Variants in RFPL1 observed in about 807,000 individuals in gnomAD.
RFPL1 encodes ret finger protein like 1.
In RFPL1, 6 loss-of-function variants were observed where a neutral mutation model predicts 9.6. The observed-to-expected ratio is 0.62, with a 90% CI of 0.34 to 1.23. The LOEUF is 1.23. RFPL1 is among the 50% of genes most tolerant of loss of function. The probability of loss-of-function intolerance (pLI) is 0.03; values close to 1 mark genes in which losing one functional copy is unlikely to be tolerated. For missense variants in RFPL1, 352 were observed against 398.4 expected (o/e 0.88, Z 0.99); for synonymous variants, 145 against 149.4 (o/e 0.97, Z 0.22).
At chr22:29,410,323 TATGTAGATATATAG>T in the RFPL1 span, among the ~76,000 whole-genome samples, 1 of 101,166 alleles carries the variant, frequency 9.9e-6, no homozygotes, top group African/African-American at 4.6e-5. Flanking sequence ...TAGATATATA[TATGTAGATATATAG>T]ATCTATATAT....
At chr22:29,420,040 C>T in the RFPL1 span, among the ~76,000 whole-genome samples, 7 of 152,304 alleles carry the variant, frequency 4.6e-5, no homozygotes, top group African/African-American at 7.2e-5. Context: ...GTACTTAAGG[C>T]TTGCGGGGTG....
At chr22:29,416,033 C>T in the RFPL1 span, among the ~76,000 whole-genome samples, 1 of 152,216 alleles carries the variant, frequency 6.6e-6, no homozygotes, top group Non-Finnish European at 1.5e-5. Context: ...CCTGCTCTTA[C>T]TTTGTGGTCA....
the RFPL1 span, among the ~76,000 whole-genome samples, chr22:29,429,891 G>A: frequency 6.6e-6 from 1 of 152,158 alleles, no homozygotes; most frequent in South Asian, 2.1e-4. Flanking sequence ...TTTATTCCCA[G>A]TATGGTAGCC....
chr22:29,441,635 G>C (rs769214763), exon 2 of RFPL1: 2 of 1,613,848 alleles, frequency 1.2e-6, no homozygotes, highest in Non-Finnish European at 1.7e-6. Context: ...ACACAGAATC[G>C]GCAAGACCTT....
At chr22:29,426,770 G>A in the RFPL1 span, among the ~76,000 whole-genome samples, 1 of 152,090 alleles carries the variant, frequency 6.6e-6, no homozygotes, top group African/African-American at 2.4e-5. Flanking sequence ...TTATTTGATT[G>A]TGGGTGGGTC....
chr22:29,429,414 GAAA>G, the RFPL1 span, among the ~76,000 whole-genome samples: 37 of 151,668 alleles, frequency 2.4e-4, 1 homozygote, highest in Admixed American at 1.8e-3. Flanking sequence ...GGCTAACTAA[GAAA>G]AAAGAAGAAG....
At chr22:29,410,884 T>C in the RFPL1 span, among the ~76,000 whole-genome samples, 2 of 152,056 alleles carry the variant, frequency 1.3e-5, no homozygotes, top group Non-Finnish European at 2.9e-5. Flanking sequence ...TCTCTCTTCC[T>C]ACTGAGCACC....
chr22:29,425,114 G>A, the RFPL1 span, among the ~76,000 whole-genome samples: 1 of 149,330 alleles, frequency 6.7e-6, no homozygotes, highest in Non-Finnish European at 1.5e-5. Context: ...TGAGGCAGGA[G>A]AATGGCGTGG....
chr22:29,430,690 G>A, the RFPL1 span, among the ~76,000 whole-genome samples: 1 of 152,088 alleles, frequency 6.6e-6, no homozygotes, highest in Non-Finnish European at 1.5e-5. Context: ...AAACATCTTA[G>A]TAAGTTTGAT....
the RFPL1 span, among the ~76,000 whole-genome samples, chr22:29,409,608 C>A: frequency 6.6e-6 from 1 of 152,168 alleles, no homozygotes; most frequent in African/African-American, 2.4e-5. Flanking sequence ...ACCCATCTGT[C>A]CATCTTGAAG....
At chr22:29,419,462 C>T in the RFPL1 span, among the ~76,000 whole-genome samples, 2 of 151,858 alleles carry the variant, frequency 1.3e-5, no homozygotes, top group South Asian at 2.1e-4. Flanking sequence ...AAGATGGAAA[C>T]TTGTAGGCCG....
chr22:29,408,858 C>G, the RFPL1 span, among the ~76,000 whole-genome samples: 9 of 152,280 alleles, frequency 5.9e-5, no homozygotes, highest in South Asian at 1.9e-3. Flanking sequence ...GCTAAATATT[C>G]CAAAAAACCC....
upstream of RFPL1, chr22:29,438,419 A>G: frequency 4.1e-6 from 1 of 242,062 alleles, no homozygotes; most frequent in Non-Finnish European, 7.8e-6. Flanking sequence ...ACGACCTCAG[A>G]TGATCCACTC....
chr22:29,419,013 G>T, the RFPL1 span: 1 of 675,090 alleles, frequency 1.5e-6, no homozygotes, highest in East Asian at 2.5e-5. Flanking sequence ...CCTTCTATTG[G>T]GAAGAAAGTT....
chr22:29,410,430 G>C, the RFPL1 span, among the ~76,000 whole-genome samples: 5 of 75,838 alleles, frequency 6.6e-5, no homozygotes, highest in South Asian at 6.3e-4. Flanking sequence ...TATATATATT[G>C]TAGATATATA....
the RFPL1 span, among the ~76,000 whole-genome samples, chr22:29,418,163 T>G: frequency 2.0e-5 from 3 of 151,908 alleles, no homozygotes; most frequent in African/African-American, 7.3e-5. Context: ...CTCCTGACCT[T>G]GTGATCCACC....
the RFPL1 span, among the ~76,000 whole-genome samples, chr22:29,423,631 T>G: frequency 1.3e-5 from 2 of 152,206 alleles, no homozygotes; most frequent in Non-Finnish European, 2.9e-5. Context: ...AGCACTGTCC[T>G]AAATGCTTGG....
chr22:29,427,889 A>T, the RFPL1 span, among the ~76,000 whole-genome samples: 6 of 152,170 alleles, frequency 3.9e-5, no homozygotes, highest in East Asian at 9.6e-4. Context: ...TTGGTCAAAC[A>T]ACCTTGATGT....
chr22:29,426,091 G>A, the RFPL1 span, among the ~76,000 whole-genome samples: 1 of 152,116 alleles, frequency 6.6e-6, no homozygotes, highest in Non-Finnish European at 1.5e-5. Flanking sequence ...GGGAGGCCAA[G>A]GCGGGCGGAT....
Sources: gnomAD v4.1 joint callset for allele counts (sites outside exome capture counted in the v4.1 genomes callset) on GRCh38, gnomAD v4.1.1 for gene constraint, MANE v1.5 for transcripts, NCBI Gene and HGNC (gene_info 2026-07-23, HGNC 2026-07-21) for gene names.